LOXL2: variants seen among roughly 807,000 people sequenced by gnomAD.
The protein encoded by LOXL2 is lysyl oxidase homolog 2.
LOXL2 carries 70 observed loss-of-function variants against 93.0 expected under a neutral mutation model. The ratio of observed to expected loss-of-function variants is 0.75; its 90% CI spans 0.62 to 0.92. The LOEUF (loss-of-function observed/expected upper bound fraction) is 0.92, where lower values mean the gene tolerates loss of function less well. LOXL2 is among the 40% of genes least tolerant of loss of function. The pLI is 0.00. For synonymous variants in LOXL2, 438 were observed against 413.2 expected (o/e 1.06, Z -0.73); for missense variants, 973 against 1,054.9 (o/e 0.92, Z 1.08).
rs1804543492 is a variant in LOXL2, at chr8:23,373,935, A to C, written c.-83-5501T>G. Among the ~76,000 whole-genome samples, 3 of 152,070 alleles carry C rather than the reference A, an allele frequency of 2.0e-5. No individual in the cohort carries two copies. The South Asian group carries it at 6.2e-4, about 32-fold the overall frequency. ...ATCCTGTCCCAGAAAGAAATGAAAA[A>C]AATATGTGGTCTTGCAACATTTCTT... On this transcript the variant is annotated intron_variant, in intron 1 of 13. Transcript: ENST00000389131.
At chr8:23,316,862 G>A (rs1241248826) in intron 9 of LOXL2, 87 bp downstream of exon 9, 2 of 1,312,898 alleles carry the variant, frequency 1.5e-6, no homozygotes, top group African/African-American at 1.5e-5. Context: ...TTGGCTCATG[G>A]CAAGGCTTCA....
In LOXL2 at chr8:23,316,967, CG is replaced by C; in HGVS notation, c.1617del (p.Gly540GlufsTer102). On this transcript the variant is annotated frameshift_variant, in exon 9 of 14. Transcript: ENST00000389131. LOFTEE classifies it high-confidence loss of function. Reference protein sequence around the residue: ...ACPQGGVQYGAGVACSETAPD... With the variant: ...ACPQGGVQYGXGVACSETAPD... Reference sequence around the variant, plus strand: ...CTCTCACTTTCTGAGCAGGCAACTCCGGCCCCGTACTGCACTCCGCCCTGGG... The same window carrying C: ...CTCTCACTTTCTGAGCAGGCAACTCCGCCCCGTACTGCACTCCGCCCTGGG... 1.3e-6 allele frequency: 2 copies of C among 1,599,890 alleles called. No homozygotes were observed. Among genetic ancestry groups the C allele is most frequent in the African/African-American group, 1.3e-5 (1 of 74,434 alleles).
intron 4 of LOXL2, among the ~76,000 whole-genome samples, chr8:23,334,725 T>C (rs1241710218): frequency 1.3e-5 from 2 of 151,698 alleles, no homozygotes; most frequent in Non-Finnish European, 2.9e-5. Context: ...ATAGATTGGC[T>C]ACCAAAAAGG....
intron 1 of LOXL2, among the ~76,000 whole-genome samples, chr8:23,393,982 T>C (rs1800054371): frequency 6.6e-6 from 1 of 152,144 alleles, no homozygotes; most frequent in Admixed American, 6.5e-5. Context: ...AAACAGACAC[T>C]GTCAAGAAAG....
chr8:23,322,280 C>T lies in LOXL2; in HGVS notation c.1152G>A (p.Gly384=), dbSNP rs772478913. Residue 384 remains glycine, a splice_region_variant and synonymous_variant, in exon 7 of 14, where the codon GGG becomes GGA. Transcript: ENST00000389131. ...TCTCGTTGAGGTGGATGGGTCCGAT[C>T]CCTGCAAGGGGAGAATAAACATGCT... ...EAVTGSRLGQ[G]IGPIHLNEIQ... 2 of 1,613,832 alleles carry T rather than the reference C, an allele frequency of 1.2e-6. No homozygotes were observed. Among genetic ancestry groups the T allele is most frequent in the East Asian group, 4.5e-5 (2 of 44,882 alleles).
intron 3 of LOXL2, among the ~76,000 whole-genome samples, chr8:23,350,789 T>C (rs1804079766): frequency 6.6e-6 from 1 of 151,464 alleles, no homozygotes; most frequent in Non-Finnish European, 1.5e-5. Context: ...GTAACACTGC[T>C]GGAAAACTGA....
At chr8:23,330,907 T>C (rs1332304190) in intron 5 of LOXL2, among the ~76,000 whole-genome samples, 1 of 152,058 alleles carries the variant, frequency 6.6e-6, no homozygotes, top group Non-Finnish European at 1.5e-5. Context: ...CCCTCTGTGC[T>C]CTTCAGAGGC....
At chr8:23,336,917 A>G (rs1249939110) in intron 4 of LOXL2, 1 of 152,196 alleles carries the variant, frequency 6.6e-6, no homozygotes, top group Non-Finnish European at 1.5e-5. Context: ...GCAGGCTACG[A>G]GGGTGCTTCC....
At chr8:23,382,126 C>T (rs748506374) in intron 1 of LOXL2, among the ~76,000 whole-genome samples, 4 of 152,170 alleles carry the variant, frequency 2.6e-5, no homozygotes, top group African/African-American at 9.7e-5. Flanking sequence ...AATTATAGTT[C>T]GGTTGCCATA....
chr8:23,313,175 T>C (rs912076456), intron 9 of LOXL2, among the ~76,000 whole-genome samples: 6 of 152,312 alleles, frequency 3.9e-5, no homozygotes, highest in African/African-American at 7.2e-5. Context: ...GAACATTCCA[T>C]GCTCATGGAT....
At chr8:23,339,293 GTTC>G (rs1291823046) in intron 4 of LOXL2, among the ~76,000 whole-genome samples, 1 of 152,144 alleles carries the variant, frequency 6.6e-6, no homozygotes, top group African/African-American at 2.4e-5. Flanking sequence ...AGCAGCTTCT[GTTC>G]TTCATCACCC....
At chr8:23,354,702 C>T (rs2117198541) in intron 3 of LOXL2, among the ~76,000 whole-genome samples, 1 of 151,994 alleles carries the variant, frequency 6.6e-6, no homozygotes, top group East Asian at 1.9e-4. Context: ...TTCCCAGACA[C>T]TGAATAACAA....
In LOXL2 at chr8:23,319,976, C is replaced by G; in HGVS notation, c.1379G>C (p.Trp460Ser). Reference sequence around the variant, plus strand: ...CCAGTTTTGGCCACACACCATCCCCCACACAAGGGACCCGTTTCTCTCCAC... The same window carrying G: ...CCAGTTTTGGCCACACACCATCCCCGACACAAGGGACCCGTTTCTCTCCAC... ...VLVERNGSLV[W>S]GMVCGQNWGI... The change falls in exon 8 of 14, where the codon TGG becomes TCG. Residue 460 changes from tryptophan to serine, a missense_variant. Coordinates refer to ENST00000389131, the MANE Select transcript of LOXL2 (RefSeq NM_002318.3). 2 of 1,614,104 alleles carry G rather than the reference C, an allele frequency of 1.2e-6. No homozygotes were observed. The highest frequency in any genetic ancestry group is 8.5e-7 in the Non-Finnish European group (1 of 1,179,970).
At chr8:23,377,821 G>C (rs915852784) in intron 1 of LOXL2, among the ~76,000 whole-genome samples, 16 of 152,026 alleles carry the variant, frequency 1.1e-4, no homozygotes, top group Non-Finnish European at 1.9e-4. Context: ...TTTATTGTGA[G>C]CCTATGTGTG....
chr8:23,376,920 T>G (rs1166032748), intron 1 of LOXL2, among the ~76,000 whole-genome samples: 2 of 152,188 alleles, frequency 1.3e-5, no homozygotes, highest in African/African-American at 4.8e-5. Context: ...TTTGAAGGGT[T>G]TTTTGTGTCT....
chr8:23,348,052 T>C (rs1804022668), intron 3 of LOXL2, among the ~76,000 whole-genome samples: 1 of 152,028 alleles, frequency 6.6e-6, no homozygotes, highest in African/African-American at 2.4e-5. Context: ...GTGGCACATA[T>C]ACACCATGGA....
At chr8:23,384,637 G>C (rs571597677) in intron 1 of LOXL2, among the ~76,000 whole-genome samples, 1 of 152,178 alleles carries the variant, frequency 6.6e-6, no homozygotes, top group African/African-American at 2.4e-5. Flanking sequence ...TCCAGCGGCC[G>C]GGCGTGGTAG....
chr8:23,393,505 G>T (rs1234802782), intron 1 of LOXL2, among the ~76,000 whole-genome samples: 1 of 152,200 alleles, frequency 6.6e-6, no homozygotes, highest in South Asian at 2.1e-4. Flanking sequence ...ACATGCAAAA[G>T]AATGAAGTTG....
intron 4 of LOXL2, among the ~76,000 whole-genome samples, chr8:23,337,715 A>G (rs1013274568): frequency 1.4e-4 from 22 of 152,226 alleles, no homozygotes; most frequent in African/African-American, 5.1e-4. Flanking sequence ...GAACAAAATT[A>G]TGACTACAAA....
Sources: gnomAD v4.1 joint callset for allele counts (sites outside exome capture counted in the v4.1 genomes callset) on GRCh38, gnomAD v4.1.1 for gene constraint, MANE v1.5 for transcripts, NCBI Gene and HGNC (gene_info 2026-07-23, HGNC 2026-07-21) for gene names.